The following ACSS3 variants were observed in gnomAD, a reference collection of about 807,000 sequenced individuals.
The protein encoded by ACSS3 is acyl-CoA synthetase short chain family member 3, also known as acyl-CoA synthetase short-chain family member 3, mitochondrial.
In ACSS3, 64 loss-of-function variants were observed where a neutral mutation model predicts 84.2. The ratio of observed to expected loss-of-function variants is 0.76; its 90% CI spans 0.62 to 0.94. The LOEUF is 0.94. Ranked by LOEUF, ACSS3 falls within the 40% of genes least tolerant of loss-of-function variation. The pLI, the probability that ACSS3 is intolerant of heterozygous loss-of-function variation, is 0.00. For synonymous variants in ACSS3, 317 were observed against 310.1 expected, an observed-to-expected ratio of 1.02 and a Z score of -0.23; for missense variants, 815 against 867.6, an observed-to-expected ratio of 0.94 and a Z score of 0.76.
chr12:81,185,884 G>C (rs1273092782), intron 8 of ACSS3, among the ~76,000 whole-genome samples: 1 of 151,624 alleles, frequency 6.6e-6, no homozygotes, highest in Non-Finnish European at 1.5e-5. Context: ...AAATGTAAAA[G>C]ACCCCAAGTA....
upstream of ACSS3, chr12:81,077,976 G>A: frequency 9.7e-7 from 1 of 1,026,744 alleles, no homozygotes; most frequent in East Asian, 2.9e-5. Context: ...GGTTTTTCCC[G>A]GCGACTCTAG....
rs553191307 is a variant in ACSS3 at position 81,166,731 on chromosome 12, A to G, written c.1099-8057A>G. On this transcript the variant is annotated intron_variant, in intron 7 of 15. Coordinates refer to ENST00000548058, the MANE Select transcript of ACSS3 (RefSeq NM_024560.4). ...GAAAGTTTGTTGTTTCATTTTTGAC[A>G]TGGAGAAATCTGAGCATGTTTGAAG... is the stretch of plus-strand genomic sequence containing the variant. Among the ~76,000 whole-genome samples the G allele has an allele frequency of 5.3e-5, 8 of 152,290 alleles. No individual in the cohort carries two copies. The South Asian group carries it at 1.0e-3, about 20-fold the overall frequency.
intron 1 of ACSS3, among the ~76,000 whole-genome samples, chr12:81,091,365 A>G (rs1169182027): frequency 6.6e-6 from 1 of 151,996 alleles, no homozygotes; most frequent in Non-Finnish European, 1.5e-5. Context: ...ATAAAATTTT[A>G]ATATATTAGA....
intron 13 of ACSS3, among the ~76,000 whole-genome samples, chr12:81,246,409 G>C (rs895818010): frequency 3.3e-5 from 5 of 152,084 alleles, no homozygotes; most frequent in Admixed American, 6.5e-5. Context: ...GGCTCTTAGG[G>C]CTTTTTCTGT....
chr12:81,179,283 A>AC lies in ACSS3; in HGVS notation c.1250+4344_1250+4345insC, dbSNP rs1251536270. 1.2e-4 allele frequency among the ~76,000 whole-genome samples: 18 copies of AC among 149,664 alleles called. No individual in the cohort carries two copies. The East Asian group carries it at 3.5e-3, about 29-fold the overall frequency. On this transcript the variant is annotated intron_variant, in intron 8 of 15. Coordinates refer to ENST00000548058, the MANE Select transcript of ACSS3 (RefSeq NM_024560.4). ...CAAAAGTAATTGCCAAAAAAAAAAAAAAAAAAGAAAAAGAAAAAAAAAACA... is the reference window on the plus strand; with the variant it reads ...CAAAAGTAATTGCCAAAAAAAAAAAACAAAAAAGAAAAAGAAAAAAAAAACA...
intron 8 of ACSS3, among the ~76,000 whole-genome samples, chr12:81,198,975 T>C (rs1016694522): frequency 2.0e-5 from 3 of 152,208 alleles, no homozygotes; most frequent in African/African-American, 7.2e-5. Context: ...ACTTAGAATA[T>C]AGCAATCAAA....
Position 81,259,673 on chromosome 12 carries a change from A to G in ACSS3, c.*4751A>G, listed in dbSNP as rs1383400968. ...GAAAAGACGCCATCTAAAATATACA[A>G]TGGATAGCATTAGTTCACTGAAAAG... On this transcript the variant is annotated 3_prime_UTR_variant, in exon 16 of 16. Coordinates refer to ENST00000548058, the MANE Select transcript of ACSS3 (RefSeq NM_024560.4). The G allele has an allele frequency of 1.3e-6, 2 of 1,533,256 alleles. No individual in the cohort carries two copies. The highest frequency in any genetic ancestry group is 2.4e-5 in the East Asian group (1 of 40,886). 95.0% of individuals were successfully genotyped at this position (1,533,256 alleles called of 1,614,324 possible).
intron 5 of ACSS3, among the ~76,000 whole-genome samples, chr12:81,148,236 C>G (rs1012958516): frequency 1.3e-5 from 2 of 152,106 alleles, no homozygotes; most frequent in African/African-American, 4.8e-5. Context: ...CTTCCCTCCT[C>G]TTCTACAACA....
intron 13 of ACSS3, among the ~76,000 whole-genome samples, chr12:81,246,523 C>T (rs1164166159): frequency 6.6e-6 from 1 of 152,176 alleles, no homozygotes; most frequent in African/African-American, 2.4e-5. Context: ...AATCCCCAAA[C>T]TTCCAAATGA....
intron 2 of ACSS3, among the ~76,000 whole-genome samples, chr12:81,119,695 C>T (rs1216383172): frequency 2.6e-5 from 4 of 152,238 alleles, no homozygotes; most frequent in South Asian, 4.2e-4. Flanking sequence ...TGCCTGACCC[C>T]GCAGGCAGTC....
chr12:81,129,256 G>A (rs7967650), intron 2 of ACSS3, among the ~76,000 whole-genome samples: 16,325 of 152,084 alleles, frequency 0.11, 1,134 homozygotes, highest in East Asian at 0.21. Context: ...CACACTTTCT[G>A]TATGGTTAGG....
rs533152294 is a variant in ACSS3 at position 81,247,696 on chromosome 12, G to A, written c.1720-5611G>A. On this transcript the variant is annotated intron_variant, in intron 13 of 15. Coordinates refer to ENST00000548058, the MANE Select transcript of ACSS3 (RefSeq NM_024560.4). Reference sequence around the variant, plus strand: ...TTCTCTGTCTTTGAAATCTCTTAGAGAATTGTGAACTGATACTTTATACTG... The same window carrying A: ...TTCTCTGTCTTTGAAATCTCTTAGAAAATTGTGAACTGATACTTTATACTG... Among the ~76,000 whole-genome samples, 27 of 152,174 alleles carry A rather than the reference G, an allele frequency of 1.8e-4. No individual in the cohort carries two copies. The South Asian group carries it at 5.2e-3, about 29-fold the overall frequency.
intron 7 of ACSS3, among the ~76,000 whole-genome samples, chr12:81,171,732 A>C (rs1338731425): frequency 6.6e-6 from 1 of 152,196 alleles, no homozygotes; most frequent in African/African-American, 2.4e-5. Context: ...TTACTAATAC[A>C]GTCATATATT....
At chr12:81,137,348 CA>C (rs1885860775) in intron 3 of ACSS3, among the ~76,000 whole-genome samples, 1 of 151,590 alleles carries the variant, frequency 6.6e-6, no homozygotes, top group African/African-American at 2.4e-5. Flanking sequence ...CACACACACA[CA>C]CACACACACA....
chr12:81,101,496 G>A (rs1882508994), intron 1 of ACSS3, among the ~76,000 whole-genome samples: 1 of 151,896 alleles, frequency 6.6e-6, no homozygotes, highest in South Asian at 2.1e-4. Flanking sequence ...TACTGCTTGT[G>A]CATTTATATA....
chr12:81,119,064 G>A (rs1241660438), intron 2 of ACSS3, among the ~76,000 whole-genome samples: 4 of 152,246 alleles, frequency 2.6e-5, no homozygotes, highest in Non-Finnish European at 4.4e-5. Flanking sequence ...AAGAGAAAGA[G>A]TACAAAGAGA....
intron 2 of ACSS3, among the ~76,000 whole-genome samples, chr12:81,123,562 G>C (rs979840391): frequency 2.0e-5 from 3 of 152,028 alleles, no homozygotes; most frequent in African/African-American, 7.2e-5. Context: ...GTTGAGGTTT[G>C]TTGTTCAGAT....
chr12:81,247,224 C>A (rs2136005909), intron 13 of ACSS3, among the ~76,000 whole-genome samples: 1 of 152,218 alleles, frequency 6.6e-6, no homozygotes, highest in Admixed American at 6.5e-5. Flanking sequence ...TTTCCTCCTT[C>A]TAAGAGATTA....
intron 1 of ACSS3, among the ~76,000 whole-genome samples, chr12:81,081,653 A>G (rs2121262793): frequency 6.6e-6 from 1 of 152,314 alleles, no homozygotes; most frequent in African/African-American, 2.4e-5. Context: ...CTGGGCCATC[A>G]ATTTATCTCT....
Sources: allele counts gnomAD v4.1 joint callset (sites outside exome capture counted in the v4.1 genomes callset), GRCh38; gene constraint gnomAD v4.1.1; transcripts MANE v1.5; gene names NCBI Gene and HGNC (gene_info 2026-07-23, HGNC 2026-07-21).